Variants in TPRG1 observed in about 807,000 individuals in gnomAD.
TPRG1 encodes tumor protein p63-regulated gene 1 protein.
TPRG1 carries 29 observed loss-of-function variants against 29.3 expected under a neutral mutation model. That is an observed-to-expected ratio of 0.99 (90% CI 0.74 to 1.35). The LOEUF is 1.35. TPRG1 is among the 40% of genes most tolerant of loss of function. The probability of loss-of-function intolerance (pLI) is 0.00; values close to 1 mark genes in which losing one functional copy is unlikely to be tolerated. For missense variants in TPRG1, 327 were observed against 335.0 expected, an observed-to-expected ratio of 0.98 and a Z score of 0.19; for synonymous variants, 130 against 116.8, an observed-to-expected ratio of 1.11 and a Z score of -0.73.
intron 4 of TPRG1, among the ~76,000 whole-genome samples, chr3:189,052,562 A>G (rs1363694869): frequency 1.3e-5 from 2 of 152,194 alleles, no homozygotes; most frequent in African/African-American, 4.8e-5. Context: ...AAGTAGAACT[A>G]CCATTTGATC....
intron 4 of TPRG1, among the ~76,000 whole-genome samples, chr3:189,058,657 TGTTA>T (rs1362078783): frequency 6.6e-6 from 1 of 152,176 alleles, no homozygotes; most frequent in East Asian, 1.9e-4. Flanking sequence ...GAAAAATAAT[TGTTA>T]ATGCTGGTTT....
intron 4 of TPRG1, among the ~76,000 whole-genome samples, chr3:189,279,475 G>T (rs1716735573): frequency 1.3e-5 from 2 of 152,164 alleles, no homozygotes; most frequent in African/African-American, 4.8e-5. Flanking sequence ...CCTTCATTCA[G>T]ATTGTAGCTC....
chr3:189,112,845 A>AAAAC (rs1720703753), intron 1 of TPRG1, among the ~76,000 whole-genome samples: 1 of 152,094 alleles, frequency 6.6e-6, no homozygotes, highest in Non-Finnish European at 1.5e-5. Flanking sequence ...CTTAGGTTTG[A>AAAAC]CTTGGCGTTG....
intron 4 of TPRG1, among the ~76,000 whole-genome samples, chr3:189,257,091 T>A (rs1353642272): frequency 6.6e-6 from 1 of 152,226 alleles, no homozygotes; most frequent in Non-Finnish European, 1.5e-5. Flanking sequence ...TGCAGTTTCT[T>A]CATAGTGTCA....
At chr3:189,127,429 C>T (rs1384501155) in intron 2 of TPRG1, among the ~76,000 whole-genome samples, 4 of 152,138 alleles carry the variant, frequency 2.6e-5, no homozygotes, top group Admixed American at 2.6e-4. Context: ...AAACTATTGA[C>T]ACAAGTTAAA....
intron 3 of TPRG1, among the ~76,000 whole-genome samples, chr3:189,021,083 G>T (rs1272245294): frequency 6.8e-6 from 1 of 146,248 alleles, no homozygotes; most frequent in Non-Finnish European, 1.5e-5. Flanking sequence ...CCATTTGCTT[G>T]GTAGATCTTC....
chr3:189,316,655 C>A (rs117061594), intron 5 of TPRG1, among the ~76,000 whole-genome samples: 1 of 152,066 alleles, frequency 6.6e-6, no homozygotes, highest in Non-Finnish European at 1.5e-5. Flanking sequence ...AATACGATGT[C>A]CCCCCTGTCC....
At chr3:189,032,098 C>A (rs1489035346) in intron 4 of TPRG1, among the ~76,000 whole-genome samples, 2 of 152,024 alleles carry the variant, frequency 1.3e-5, no homozygotes, top group African/African-American at 4.8e-5. Flanking sequence ...AGAGGCTTTG[C>A]CGATGTGATT....
intron 4 of TPRG1, among the ~76,000 whole-genome samples, chr3:189,040,044 A>T (rs1408634434): frequency 6.6e-6 from 1 of 152,156 alleles, no homozygotes; most frequent in Non-Finnish European, 1.5e-5. Context: ...GGAGTTATGT[A>T]AGCTCTTTCT....
chr3:189,317,557 A>G (rs1723733777), intron 5 of TPRG1, among the ~76,000 whole-genome samples: 1 of 152,210 alleles, frequency 6.6e-6, no homozygotes, highest in Non-Finnish European at 1.5e-5. Context: ...TTTTATGGCA[A>G]AGGAACTATA....
intron 4 of TPRG1, among the ~76,000 whole-genome samples, chr3:189,032,031 A>G (rs1385307203): frequency 6.6e-6 from 1 of 152,224 alleles, no homozygotes; most frequent in African/African-American, 2.4e-5. Flanking sequence ...CCCTTACTCC[A>G]AATATATCCA....
At chr3:189,128,464 C>T (rs753668538) in intron 2 of TPRG1, among the ~76,000 whole-genome samples, 3 of 152,106 alleles carry the variant, frequency 2.0e-5, no homozygotes, top group Non-Finnish European at 2.9e-5. Flanking sequence ...CATATTTATA[C>T]TAAAAAAGTT....
intron 4 of TPRG1, chr3:189,240,342 A>T (rs1043871200): frequency 6.6e-6 from 1 of 152,086 alleles, no homozygotes; most frequent in African/African-American, 2.4e-5. Context: ...CCTTCCCTCC[A>T]TGGGTGATAG....
intron 2 of TPRG1, among the ~76,000 whole-genome samples, chr3:189,209,059 C>G (rs1734855755): frequency 1.3e-5 from 2 of 152,318 alleles, no homozygotes; most frequent in African/African-American, 4.8e-5. Flanking sequence ...TGAGGAAAAA[C>G]TGGAACCTAT....
rs1449761310 is a variant in TPRG1, at chr3:189,208,453, A to G, written c.210+859A>G. On this transcript the variant is annotated intron_variant, in intron 2 of 5. Coordinates refer to ENST00000345063, the MANE Select transcript of TPRG1 (RefSeq NM_198485.4). ...AAAATGTATTTCAACTCATTCTCAT[A>G]AAAAATTGGGGCCAGGGTTTTGTGA... Among the ~76,000 whole-genome samples the G allele has an allele frequency of 4.6e-5, 7 of 152,182 alleles. No individual in the cohort carries two copies. In the East Asian group the frequency reaches 1.3e-3, roughly 29 times the overall value.
intron 4 of TPRG1, among the ~76,000 whole-genome samples, chr3:189,149,106 A>G (rs1447376773): frequency 6.6e-6 from 1 of 152,154 alleles, no homozygotes; most frequent in African/African-American, 2.4e-5. Context: ...TGTTCTCAAG[A>G]TTCCATTTAT....
intron 1 of TPRG1, among the ~76,000 whole-genome samples, chr3:189,179,383 A>G (rs1219352217): frequency 6.6e-6 from 1 of 152,180 alleles, no homozygotes; most frequent in East Asian, 1.9e-4. Flanking sequence ...ACCAAAAGGT[A>G]ACTTCCTAGA....
intron 4 of TPRG1, among the ~76,000 whole-genome samples, chr3:189,306,600 C>A (rs753950685): frequency 1.1e-4 from 17 of 152,262 alleles, no homozygotes; most frequent in Middle Eastern, 3.4e-3. Context: ...ACTTGATGAT[C>A]TGATTAAGTC....
At chr3:189,206,927 C>T (rs367757092) in intron 1 of TPRG1, among the ~76,000 whole-genome samples, 1 of 152,046 alleles carries the variant, frequency 6.6e-6, no homozygotes, top group South Asian at 2.1e-4. Flanking sequence ...CAGTTAAAAA[C>T]ATGTTCAGTT....
Sources: allele counts gnomAD v4.1 joint callset (sites outside exome capture counted in the v4.1 genomes callset), GRCh38; gene constraint gnomAD v4.1.1; transcripts MANE v1.5; gene names NCBI Gene and HGNC (gene_info 2026-07-23, HGNC 2026-07-21).